The following SYT11 variants were observed in gnomAD, a reference collection of about 807,000 sequenced individuals.
The protein encoded by SYT11 is synaptotagmin 11, also known as synaptotagmin-11.
A neutral mutation model predicts 30.4 loss-of-function variants in SYT11; 12 were observed. The ratio of observed to expected loss-of-function variants is 0.39; its 90% CI spans 0.25 to 0.64. SYT11 has a LOEUF of 0.64. Among genes scored for constraint, SYT11 ranks in the 30% least tolerant of loss-of-function variants. SYT11 has a pLI of 0.45. For synonymous variants in SYT11, 204 were observed against 216.0 expected (o/e 0.94, Z 0.49); for missense variants, 412 against 552.0 (o/e 0.75, Z 2.54).
Position 155,883,110 on chromosome 1 carries a change from T to A in SYT11, c.*1602T>A, listed in dbSNP as rs889644896. Reference sequence around the variant, plus strand: ...GAACTACAGGATGCAATTCTTCTTCTACCAATGGGCAATAGAGGTTGAGAG... The same window carrying A: ...GAACTACAGGATGCAATTCTTCTTCAACCAATGGGCAATAGAGGTTGAGAG... On this transcript the variant is annotated 3_prime_UTR_variant, in exon 4 of 4. Coordinates refer to ENST00000368324, the MANE Select transcript of SYT11 (RefSeq NM_152280.5). 1 of 152,378 alleles carries A rather than the reference T, an allele frequency of 6.6e-6. No homozygotes were observed. The highest frequency in any genetic ancestry group is 1.5e-5 in the Non-Finnish European group (1 of 68,044). 9.4% of individuals were successfully genotyped at this position (152,378 alleles called of 1,614,324 possible). A position where few individuals can be genotyped will look rare whatever the true frequency, so the allele number is the denominator to read the frequency against.
rs1020800625 is a variant in SYT11, at chr1:155,860,378, G to A, written c.34+583G>A. ...GTCAGCTGGATGCTGGGGCTAGGAG[G>A]AAACGTGAGCCCTGCAAGCTCCATT... is the stretch of plus-strand genomic sequence containing the variant. On this transcript the variant is annotated intron_variant, in intron 1 of 3. Transcript: ENST00000368324. This position sits in a 1 kb window ranked among gnomAD's most constrained non-coding sequence, Gnocchi z 4.1. Among the ~76,000 whole-genome samples, 3 of 152,226 alleles carry A rather than the reference G, an allele frequency of 2.0e-5. No individual in the cohort carries two copies. Among genetic ancestry groups the A allele is most frequent in the Non-Finnish European group, 4.4e-5 (3 of 68,038 alleles).
chr1:155,862,759 C>T (rs1274545616), intron 1 of SYT11, among the ~76,000 whole-genome samples: 1 of 152,214 alleles, frequency 6.6e-6, no homozygotes, highest in Non-Finnish European at 1.5e-5. Flanking sequence ...ATATGCCTGT[C>T]TTGGTAGTTT....
Position 155,874,402 on chromosome 1 carries a change from C to A in SYT11, c.861+5611C>A, listed in dbSNP as rs1300379522. 1.3e-5 allele frequency among the ~76,000 whole-genome samples: 2 copies of A among 151,872 alleles called. 1 individual carries two copies. Among genetic ancestry groups the A allele is most frequent in the African/African-American group, 4.8e-5 (2 of 41,310 alleles). ...ATCACTTGAGCCCAGGAGTTTGAGA[C>A]CAGCCTGGGCAACATAGCAAAACCC... On this transcript the variant is annotated intron_variant, in intron 2 of 3. Transcript: ENST00000368324.
In SYT11 at chr1:155,874,633, G is replaced by A. The variant is rs1672833027; in HGVS notation, c.861+5842G>A. 2.0e-5 allele frequency among the ~76,000 whole-genome samples: 3 copies of A among 150,140 alleles called. No individual in the cohort carries two copies. The South Asian group carries it at 6.3e-4, about 32-fold the overall frequency. On this transcript the variant is annotated intron_variant, in intron 2 of 3. Coordinates refer to ENST00000368324, the MANE Select transcript of SYT11 (RefSeq NM_152280.5). The stretch of plus-strand genomic sequence containing the variant: ...AGGCCGGGCGCGGTGGCTGACGCCT[G>A]TAATCCCAGCACTTTGGGAGGCCGA...
At chr1:155,872,265 AG>A (rs1201431033) in intron 2 of SYT11, among the ~76,000 whole-genome samples, 1 of 151,992 alleles carries the variant, frequency 6.6e-6, no homozygotes, top group Non-Finnish European at 1.5e-5. Context: ...AGGGAGGAAA[AG>A]GGGGATGGGA....
chr1:155,878,632 G>A (rs549917717), intron 2 of SYT11, among the ~76,000 whole-genome samples: 6 of 152,144 alleles, frequency 3.9e-5, no homozygotes, highest in East Asian at 1.9e-4. Flanking sequence ...TTGGGAGGCC[G>A]AGACGGGCGG....
chr1:155,878,687 A>C (rs530272279), intron 2 of SYT11, among the ~76,000 whole-genome samples: 36 of 151,672 alleles, frequency 2.4e-4, no homozygotes, highest in South Asian at 2.1e-4. Flanking sequence ...AACATGGTGA[A>C]GCCCCGTCTC....
intron 2 of SYT11, among the ~76,000 whole-genome samples, chr1:155,877,737 T>C (rs1417827042): frequency 6.6e-6 from 1 of 151,792 alleles, no homozygotes; most frequent in Non-Finnish European, 1.5e-5. Context: ...TGTATTTTTT[T>C]AGTAGATACC....
rs931140216 is a variant in SYT11, at chr1:155,881,615, A to G, written c.*107A>G. ...CCAAACCTCATTTTAGTTGTAGAAGAAAATTTCTTACAAAACAAATTCCAC... is the reference window on the plus strand; with the variant it reads ...CCAAACCTCATTTTAGTTGTAGAAGGAAATTTCTTACAAAACAAATTCCAC... On this transcript the variant is annotated 3_prime_UTR_variant, in exon 4 of 4. Transcript: ENST00000368324. 8.1e-6 allele frequency: 9 copies of G among 1,104,856 alleles called. No homozygotes were observed. In the South Asian group the frequency reaches 1.2e-4, roughly 14 times the overall value. The allele number at this position is 1,104,856 out of a possible 1,614,324, so 68.4% of individuals were successfully genotyped here. A position where few individuals can be genotyped will look rare whatever the true frequency, so the allele number is the denominator to read the frequency against.
rs1279009222 is a variant in SYT11 at position 155,884,902 on chromosome 1, C to G, written c.*3394C>G. ...GCTCAGGAGAGGGAATAACGCAGGT[C>G]CCTTTTCTTGGAAGGCTTGTACTAT... On this transcript the variant is annotated 3_prime_UTR_variant, in exon 4 of 4. Coordinates refer to ENST00000368324, the MANE Select transcript of SYT11 (RefSeq NM_152280.5). 6.6e-6 allele frequency: 1 copy of G among 152,660 alleles called. No homozygotes were observed. Among genetic ancestry groups the G allele is most frequent in the African/African-American group, 2.4e-5 (1 of 41,380 alleles). The allele number at this position is 152,660 out of a possible 1,614,324, so 9.5% of individuals were successfully genotyped here.
At chr1:155,867,884 C>A in intron 1 of SYT11, 81 bp from the exon 2 acceptor site, 1 of 1,064,968 alleles carries the variant, frequency 9.4e-7, no homozygotes. Flanking sequence ...AGCTTGGCTC[C>A]AGCAGTGGCA....
chr1:155,862,274 A>C (rs181811157), intron 1 of SYT11, among the ~76,000 whole-genome samples: 1 of 152,352 alleles, frequency 6.6e-6, no homozygotes, highest in East Asian at 1.9e-4. Flanking sequence ...ATTTATAGCT[A>C]CTTTAAAACA....
At chr1:155,878,108 T>C (rs778226341) in intron 2 of SYT11, among the ~76,000 whole-genome samples, 11 of 151,974 alleles carry the variant, frequency 7.2e-5, no homozygotes, top group Non-Finnish European at 1.5e-4. Context: ...CCTGGCATGT[T>C]GGTGCACACC....
At chr1:155,878,884 A>AAAATAAAT (rs1404610510) in intron 2 of SYT11, among the ~76,000 whole-genome samples, 1 of 151,164 alleles carries the variant, frequency 6.6e-6, no homozygotes. Flanking sequence ...ATAAAATTAA[A>AAAATAAAT]AAATAAATAA....
rs1193941216 is a variant in SYT11 at position 155,860,117 on chromosome 1, G to C, written c.34+322G>C. On this transcript the variant is annotated intron_variant, in intron 1 of 3. Transcript: ENST00000368324. The surrounding 1 kb of genome is among the most constrained non-coding windows in gnomAD (Gnocchi z 4.1). Reference sequence around the variant, plus strand: ...GCGGAGGATGTGAACCCCTCCTTCTGGGGGAGGAGAGGTGGGGTAGGCCAA... The same window carrying C: ...GCGGAGGATGTGAACCCCTCCTTCTCGGGGAGGAGAGGTGGGGTAGGCCAA... Among the ~76,000 whole-genome samples the C allele has an allele frequency of 6.6e-6, 1 of 152,262 alleles. No individual in the cohort carries two copies. Among genetic ancestry groups the C allele is most frequent in the Non-Finnish European group, 1.5e-5 (1 of 68,034 alleles).
In SYT11 at chr1:155,884,300, C is replaced by T. The variant is rs1439975525; in HGVS notation, c.*2792C>T. 6.5e-6 allele frequency: 1 copy of T among 153,038 alleles called. No homozygotes were observed. Among genetic ancestry groups the T allele is most frequent in the Admixed American group, 6.6e-5 (1 of 15,262 alleles). 9.5% of individuals were successfully genotyped at this position (153,038 alleles called of 1,614,324 possible). A position where few individuals can be genotyped will look rare whatever the true frequency, so the allele number is the denominator to read the frequency against. On this transcript the variant is annotated 3_prime_UTR_variant, in exon 4 of 4. Transcript: ENST00000368324. ...CCTCACCCCACTCTCCTCTCTCTTC[C>T]CCATTTCCTTGTAGCTTTATTCCTT...
In SYT11 at chr1:155,868,635, C is replaced by T. The variant is rs375798764; in HGVS notation, c.705C>T (p.Ser235=). ...ETFTFYGIPY[S]QLQDLVLHFL... ...TCACCTTCTATGGCATCCCCTACAG[C>T]CAGCTGCAGGACCTGGTGCTGCACT... The change falls in exon 2 of 4, where the codon AGC becomes AGT. Residue 235 remains serine, a synonymous_variant. Transcript: ENST00000368324. This position sits in a 1 kb window ranked among gnomAD's most constrained non-coding sequence, Gnocchi z 4.7. 2.3e-5 allele frequency: 37 copies of T among 1,614,224 alleles called. No individual in the cohort carries two copies. In the African/African-American group the frequency reaches 4.0e-4, roughly 17 times the overall value.
intron 2 of SYT11, among the ~76,000 whole-genome samples, chr1:155,869,896 C>T (rs538152540): frequency 5.9e-5 from 9 of 152,280 alleles, no homozygotes; most frequent in African/African-American, 1.7e-4. Context: ...TTGGACTGCA[C>T]GACTTTACTC....
At chr1:155,875,194 A>G (rs1227658957) in intron 2 of SYT11, among the ~76,000 whole-genome samples, 2 of 140,840 alleles carry the variant, frequency 1.4e-5, no homozygotes, top group East Asian at 2.3e-4. Flanking sequence ...TGGAGGTTGC[A>G]GTAAGCCATC....
Sources: gnomAD v4.1 joint callset for allele counts (sites outside exome capture counted in the v4.1 genomes callset) on GRCh38, gnomAD v4.1.1 for gene constraint, Gnocchi (gnomAD v3.1) non-coding constraint, MANE v1.5 for transcripts, NCBI Gene and HGNC (gene_info 2026-07-23, HGNC 2026-07-21) for gene names.